Variants in CPED1 observed in about 807,000 individuals in gnomAD.
CPED1 encodes cadherin like and PC-esterase domain containing 1, also known as cadherin-like and PC-esterase domain-containing protein 1.
CPED1 carries 114 observed loss-of-function variants against 128.2 expected under a neutral mutation model. The observed-to-expected ratio is 0.89, with a 90% CI of 0.76 to 1.04. The LOEUF (loss-of-function observed/expected upper bound fraction) is 1.04. Among genes scored for constraint, CPED1 ranks in the 50% least tolerant of loss-of-function variants. The pLI is 0.00. For synonymous variants in CPED1, 462 were observed against 426.7 expected (o/e 1.08, Z -1.02); for missense variants, 1,211 against 1,207.1 (o/e 1.00, Z -0.05).
chr7:121,101,470 C>T (rs1272880911), intron 7 of CPED1, among the ~76,000 whole-genome samples: 1 of 151,822 alleles, frequency 6.6e-6, no homozygotes, highest in Non-Finnish European at 1.5e-5. Context: ...AGATTTGATC[C>T]TTCCATTTCT....
rs148750702 is a variant in CPED1 at position 121,090,677 on chromosome 7, C to T, written c.617-7022C>T. Among the ~76,000 whole-genome samples, 324 of 152,180 alleles carry T rather than the reference C, an allele frequency of 2.1e-3. 3 individuals carry two copies. Among genetic ancestry groups the T allele is most frequent in the African/African-American group, 7.5e-3 (311 of 41,522 alleles). On this transcript the variant is annotated intron_variant, in intron 5 of 22. Transcript: ENST00000310396. Reference sequence around the variant, plus strand: ...AAAGAATCGATGTGTTTAGGCCAGGCGTGGTTCACAGCTGTAATCCTAGCA... The same window carrying T: ...AAAGAATCGATGTGTTTAGGCCAGGTGTGGTTCACAGCTGTAATCCTAGCA...
intron 16 of CPED1, among the ~76,000 whole-genome samples, chr7:121,168,918 CAG>C: frequency 6.6e-6 from 1 of 152,104 alleles, no homozygotes; most frequent in Non-Finnish European, 1.5e-5. Flanking sequence ...GCAAATGTTT[CAG>C]AGTTATAGGA....
At chr7:121,024,068 T>A (rs1297157723) in intron 3 of CPED1, among the ~76,000 whole-genome samples, 1 of 152,164 alleles carries the variant, frequency 6.6e-6, no homozygotes, top group African/African-American at 2.4e-5. Flanking sequence ...TCTATTTTAC[T>A]GGGTTATGAC....
intron 2 of CPED1, among the ~76,000 whole-genome samples, chr7:120,990,246 C>G (rs12673175): frequency 0.096 from 14,650 of 152,132 alleles, 1,088 homozygotes; most frequent in East Asian, 0.26. Flanking sequence ...TTGAGTGTCT[C>G]TTTTCTCAAG....
intron 3 of CPED1, among the ~76,000 whole-genome samples, chr7:121,018,291 T>C (rs1792355788): frequency 6.6e-6 from 1 of 152,176 alleles, no homozygotes; most frequent in Non-Finnish European, 1.5e-5. Context: ...AAAACAATAT[T>C]TCCTAGAAAT....
intron 14 of CPED1, among the ~76,000 whole-genome samples, chr7:121,139,115 G>A (rs1412728371): frequency 2.0e-5 from 3 of 151,756 alleles, no homozygotes; most frequent in Admixed American, 1.3e-4. Context: ...TGTTAGGATC[G>A]TTGAAATTAT....
At chr7:121,048,710 T>C (rs1046689164) in intron 4 of CPED1, among the ~76,000 whole-genome samples, 6 of 152,174 alleles carry the variant, frequency 3.9e-5, no homozygotes, top group African/African-American at 1.4e-4. Flanking sequence ...GGCTAATTTT[T>C]ATATTTTTAG....
chr7:121,264,276 G>A (rs186428551), intron 18 of CPED1, among the ~76,000 whole-genome samples: 1 of 152,168 alleles, frequency 6.6e-6, no homozygotes, highest in African/African-American at 2.4e-5. Context: ...TACTAATGGA[G>A]TTGCATAACT....
At chr7:121,124,215 G>A in intron 7 of CPED1, 116 bp from the exon 8 acceptor site, 9 of 815,034 alleles carry the variant, frequency 1.1e-5, no homozygotes, top group Non-Finnish European at 1.3e-5. Context: ...TGAGGGTGGG[G>A]TTTGGGTGTG....
At chr7:121,082,741 T>A (rs1794324090) in intron 5 of CPED1, among the ~76,000 whole-genome samples, 1 of 152,184 alleles carries the variant, frequency 6.6e-6, no homozygotes, top group African/African-American at 2.4e-5. Flanking sequence ...AAGCAGCATA[T>A]CCATATCTAA....
chr7:121,083,412 G>A lies in CPED1; in HGVS notation c.617-14287G>A, dbSNP rs114670385. Among the ~76,000 whole-genome samples, 1,176 of 152,176 alleles carry A rather than the reference G, an allele frequency of 7.7e-3. 16 individuals carry two copies. Among genetic ancestry groups the A allele is most frequent in the African/African-American group, 0.026 (1,093 of 41,522 alleles). On this transcript the variant is annotated intron_variant, in intron 5 of 22. Coordinates refer to ENST00000310396, the MANE Select transcript of CPED1 (RefSeq NM_024913.5). ...TTGAAGCTGTCCTTCTGGTCTTCTT[G>A]GGAGGGTTTATGATAGTCTTTAGAA... is the stretch of plus-strand genomic sequence containing the variant.
rs759405351 is a variant in CPED1 at position 120,989,870 on chromosome 7, G to C, written c.249G>C (p.Lys83Asn). The C allele has an allele frequency of 1.2e-6, 2 of 1,613,992 alleles. No homozygotes were observed. The highest frequency in any genetic ancestry group is 1.1e-5 in the South Asian group (1 of 91,002). The stretch of plus-strand genomic sequence containing the variant: ...CTGGTAATGCCCAGGAAACCAGAAA[G>C]GTAAGACTCTCATAAGCTTAACGGA... ...LLSGNAQETR[K>N]VKESMETHFG... Residue 83 changes from lysine to asparagine, a missense_variant and splice_region_variant, in exon 2 of 23, where the codon AAG (lysine) becomes AAC (asparagine). Coordinates refer to ENST00000310396, the MANE Select transcript of CPED1 (RefSeq NM_024913.5).
At chr7:121,261,651 G>T (rs1258886097) in intron 18 of CPED1, 1 of 1,611,180 alleles carries the variant, frequency 6.2e-7, no homozygotes, top group Non-Finnish European at 8.5e-7. Flanking sequence ...GATGTCCAGA[G>T]AGTTCCTAGA....
intron 22 of CPED1, among the ~76,000 whole-genome samples, chr7:121,292,319 CT>C (rs1792723698): frequency 6.6e-6 from 1 of 151,552 alleles, no homozygotes; most frequent in Admixed American, 6.6e-5. Flanking sequence ...TTATTGATAC[CT>C]GTGTATGCTT....
chr7:121,198,113 T>C (rs1584589343), intron 16 of CPED1, among the ~76,000 whole-genome samples: 1 of 152,108 alleles, frequency 6.6e-6, no homozygotes, highest in East Asian at 1.9e-4. Context: ...CAGAAAATAG[T>C]GTTGGGGGTA....
chr7:121,019,795 T>C (rs1792390330), intron 3 of CPED1, among the ~76,000 whole-genome samples: 1 of 151,952 alleles, frequency 6.6e-6, no homozygotes, highest in South Asian at 2.1e-4. Context: ...CCTGCATTTG[T>C]GAGAACATAT....
At chr7:121,141,139 C>A in intron 15 of CPED1, 126 bp downstream of exon 15, 2 of 621,300 alleles carry the variant, frequency 3.2e-6, no homozygotes, top group Non-Finnish European at 2.6e-6. Flanking sequence ...AGGATGTGAA[C>A]TTTCCCCTTC....
intron 22 of CPED1, among the ~76,000 whole-genome samples, chr7:121,285,406 C>CAA (rs1307709936): frequency 6.6e-6 from 1 of 152,210 alleles, no homozygotes; most frequent in Non-Finnish European, 1.5e-5. Flanking sequence ...ATTACTGATG[C>CAA]AAATTTCTGC....
chr7:121,144,966 A>G (rs1298929609), intron 16 of CPED1, among the ~76,000 whole-genome samples: 8 of 152,044 alleles, frequency 5.3e-5, no homozygotes, highest in Admixed American at 5.3e-4. Flanking sequence ...GTGTAGGTAC[A>G]ACTAAGCATG....
Sources: allele counts gnomAD v4.1 joint callset (sites outside exome capture counted in the v4.1 genomes callset), GRCh38; gene constraint gnomAD v4.1.1; transcripts MANE v1.5; gene names NCBI Gene and HGNC (gene_info 2026-07-23, HGNC 2026-07-21).